Variants in ZEB1 observed in about 807,000 individuals in gnomAD.
The protein encoded by ZEB1 is zinc finger E-box binding homeobox 1.
In ZEB1, 21 loss-of-function variants were observed where a neutral mutation model predicts 84.9. The observed-to-expected ratio is 0.25, with a 90% CI of 0.18 to 0.36. The LOEUF is 0.36. Ranked by LOEUF, ZEB1 falls within the 10% of genes least tolerant of loss-of-function variation. The probability of loss-of-function intolerance (pLI) is 1.00; values close to 1 mark genes in which losing one functional copy is unlikely to be tolerated. For missense variants in ZEB1, 1,104 were observed against 1,330.2 expected (o/e 0.83, Z 2.65); for synonymous variants, 420 against 471.1 (o/e 0.89, Z 1.41).
chr10:31,498,025 A>G (rs1438556207), intron 3 of ZEB1, among the ~76,000 whole-genome samples: 2 of 152,054 alleles, frequency 1.3e-5, no homozygotes, highest in African/African-American at 4.8e-5. Context: ...AAATACATGT[A>G]TATAGTCATT....
At chr10:31,368,583 A>AT (rs1200228577) in intron 1 of ZEB1, among the ~76,000 whole-genome samples, 1 of 151,808 alleles carries the variant, frequency 6.6e-6, no homozygotes, top group East Asian at 1.9e-4. Flanking sequence ...TGTTTTTTAA[A>AT]TTTTTTTCCT....
chr10:31,515,153 G>A (rs535601190), intron 6 of ZEB1, among the ~76,000 whole-genome samples: 2 of 152,090 alleles, frequency 1.3e-5, no homozygotes, highest in South Asian at 4.1e-4. Context: ...TGATATAGAG[G>A]CAATGAGAGG....
chr10:31,411,615 G>A (rs947413953), intron 1 of ZEB1, among the ~76,000 whole-genome samples: 2 of 147,132 alleles, frequency 1.4e-5, no homozygotes, highest in African/African-American at 5.1e-5. Context: ...GTCCGGCCTG[G>A]GCGACAGAGC....
Position 31,462,022 on chromosome 10 carries a change from G to A in ZEB1, c.259+785G>A, listed in dbSNP as rs574555758. Reference sequence around the variant, plus strand: ...CAAGGGCATCAGAAAAGGTAAACAAGTACACGCAATAAATCGAATCCAAGA... The same window carrying A: ...CAAGGGCATCAGAAAAGGTAAACAAATACACGCAATAAATCGAATCCAAGA... On this transcript the variant is annotated intron_variant, in intron 2 of 8. Coordinates refer to ENST00000424869, the MANE Select transcript of ZEB1 (RefSeq NM_001174096.2). Among the ~76,000 whole-genome samples, 7 of 152,244 alleles carry A rather than the reference G, an allele frequency of 4.6e-5. No individual in the cohort carries two copies. In the South Asian group the frequency reaches 1.4e-3, roughly 31 times the overall value.
At chr10:31,340,392 T>A (rs78753567) in intron 1 of ZEB1, among the ~76,000 whole-genome samples, 1 of 152,232 alleles carries the variant, frequency 6.6e-6, no homozygotes, top group Non-Finnish European at 1.5e-5. Context: ...GAAATCTGTT[T>A]TTTGTTGAAT....
chr10:31,323,895 G>T (rs1199103032), intron 1 of ZEB1, among the ~76,000 whole-genome samples: 2 of 151,702 alleles, frequency 1.3e-5, no homozygotes, highest in East Asian at 3.9e-4. Flanking sequence ...TGTTTATCTT[G>T]AACTAAGTAG....
chr10:31,326,441 G>A (rs2035512475), intron 1 of ZEB1, among the ~76,000 whole-genome samples: 1 of 152,172 alleles, frequency 6.6e-6, no homozygotes. Flanking sequence ...GTAAAGGAAG[G>A]AGGAATTGGA....
chr10:31,336,392 T>G (rs2038064875), intron 1 of ZEB1, among the ~76,000 whole-genome samples: 1 of 151,960 alleles, frequency 6.6e-6, no homozygotes, highest in South Asian at 2.1e-4. Context: ...GAGAAACCAG[T>G]GGAAGGATTA....
intron 1 of ZEB1, among the ~76,000 whole-genome samples, chr10:31,322,751 C>CTTT (rs34285204): frequency 6.9e-6 from 1 of 145,524 alleles, no homozygotes; most frequent in South Asian, 2.2e-4. Context: ...CTTGTTCTAC[C>CTTT]TTTTTTTTTT....
At chr10:31,501,161 T>C (rs1055504811) in intron 3 of ZEB1, among the ~76,000 whole-genome samples, 3 of 152,220 alleles carry the variant, frequency 2.0e-5, no homozygotes, top group Non-Finnish European at 4.4e-5. Flanking sequence ...TTTACAAATT[T>C]AGACCTGACA....
rs181562796 is a variant in ZEB1 at position 31,363,593 on chromosome 10, C to T, written c.58+44301C>T. On this transcript the variant is annotated intron_variant, in intron 1 of 8. Coordinates refer to ENST00000424869, the MANE Select transcript of ZEB1 (RefSeq NM_001174096.2). ...TCTGTTGCTTCTTTGGGCTCTTCTG[C>T]GCTCACCTCCGTCTTCGGGAGCCTG... 2,555 of 1,520,264 alleles carry T rather than the reference C, an allele frequency of 1.7e-3. 30 individuals are homozygous for T. In the African/African-American group the frequency reaches 0.03, roughly 18 times the overall value. The allele number at this position is 1,520,264 out of a possible 1,614,324, so 94.2% of individuals were successfully genotyped here. A position where few individuals can be genotyped will look rare whatever the true frequency, so the allele number is the denominator to read the frequency against.
At chr10:31,447,968 A>G (rs1273425168) in intron 1 of ZEB1, among the ~76,000 whole-genome samples, 8 of 151,712 alleles carry the variant, frequency 5.3e-5, no homozygotes, top group African/African-American at 1.2e-4. Context: ...CTGCCTTGCT[A>G]GATTGGGGAA....
chr10:31,427,629 G>A (rs761153967), intron 1 of ZEB1, among the ~76,000 whole-genome samples: 7 of 152,134 alleles, frequency 4.6e-5, no homozygotes, highest in Non-Finnish European at 8.8e-5. Context: ...CAAGGCGGGT[G>A]GATCACGAGG....
chr10:31,378,275 C>T (rs1184832784), intron 1 of ZEB1, among the ~76,000 whole-genome samples: 2 of 151,280 alleles, frequency 1.3e-5, no homozygotes, highest in African/African-American at 2.4e-5. Flanking sequence ...GGTTTAGCAT[C>T]AAGTGAACAT....
rs1316871691 is a variant in ZEB1, at chr10:31,458,647, G to A, written c.59-2390G>A. On this transcript the variant is annotated intron_variant, in intron 1 of 8. Coordinates refer to ENST00000424869, the MANE Select transcript of ZEB1 (RefSeq NM_001174096.2). ...TGGAAACATAAAACCATTCTGGAAG[G>A]CAGTTTAACAGTATCTACTTCATAA... is the stretch of plus-strand genomic sequence containing the variant. 2.6e-5 allele frequency among the ~76,000 whole-genome samples: 4 copies of A among 151,956 alleles called. No individual in the cohort carries two copies. The South Asian group carries it at 6.2e-4, about 24-fold the overall frequency.
intron 1 of ZEB1, among the ~76,000 whole-genome samples, chr10:31,357,719 G>T (rs970182414): frequency 5.3e-5 from 8 of 152,172 alleles, no homozygotes; most frequent in South Asian, 2.1e-4. Context: ...TAGCTAATTA[G>T]TTTCCAAATT....
In ZEB1 at chr10:31,524,245, T is replaced by C. The variant is rs1027059084; in HGVS notation, c.2785+132T>C. ...TTTGTTTTGAGACAAGGTCTGGCTCTAGTCACCCAGGCTGGAGTGCAGTGG... is the reference window on the plus strand; with the variant it reads ...TTTGTTTTGAGACAAGGTCTGGCTCCAGTCACCCAGGCTGGAGTGCAGTGG... On this transcript the variant is annotated intron_variant, in intron 8 of 8. Coordinates refer to ENST00000424869, the MANE Select transcript of ZEB1 (RefSeq NM_001174096.2). 2.3e-5 allele frequency: 23 copies of C among 990,922 alleles called. No individual in the cohort carries two copies. The Admixed American group carries it at 3.7e-4, about 16-fold the overall frequency. 61.4% of individuals were successfully genotyped at this position (990,922 alleles called of 1,614,324 possible). A position where few individuals can be genotyped will look rare whatever the true frequency, so the allele number is the denominator to read the frequency against.
chr10:31,349,541 C>T (rs1050818239), intron 1 of ZEB1, among the ~76,000 whole-genome samples: 6 of 152,142 alleles, frequency 3.9e-5, no homozygotes, highest in East Asian at 1.9e-4. Context: ...CCAGCAACAG[C>T]GTACAGGGGT....
intron 1 of ZEB1, among the ~76,000 whole-genome samples, chr10:31,332,032 T>C (rs1388751509): frequency 6.6e-6 from 1 of 152,202 alleles, no homozygotes; most frequent in Admixed American, 6.5e-5. Flanking sequence ...ATTAAAAATT[T>C]AAGAATATAT....
Sources: allele counts gnomAD v4.1 joint callset (sites outside exome capture counted in the v4.1 genomes callset), GRCh38; gene constraint gnomAD v4.1.1; transcripts MANE v1.5; gene names NCBI Gene and HGNC (gene_info 2026-07-23, HGNC 2026-07-21).